FBN2: variants seen among roughly 807,000 people sequenced by gnomAD.
The protein encoded by FBN2 is fibrillin-2.
FBN2 carries 105 observed loss-of-function variants against 355.6 expected under a neutral mutation model. The ratio of observed to expected loss-of-function variants is 0.30; its 90% CI spans 0.25 to 0.35. FBN2 has a LOEUF of 0.35. FBN2 is among the 10% of genes least tolerant of loss of function. FBN2 has a pLI of 1.00. For missense variants in FBN2, 3,280 were observed against 3,758.7 expected (o/e 0.87, Z 3.33); for synonymous variants, 1,350 against 1,301.2 (o/e 1.04, Z -0.81).
intron 39 of FBN2, 93 bp from the exon 40 acceptor site, chr5:128,310,201 C>G: frequency 9.2e-7 from 1 of 1,090,586 alleles, no homozygotes; most frequent in South Asian, 1.4e-5. Context: ...AGGTGATTCT[C>G]TAAATCCCCA....
chr5:128,309,303 T>C lies in FBN2; in HGVS notation c.5297A>G (p.Tyr1766Cys). Residue 1766 changes from tyrosine to cysteine, a missense_variant, in exon 41 of 65, where the codon TAT becomes TGT. Physicochemically the swap from Tyr to Cys is radical, Grantham distance 194. Around this residue, in one of 6 missense-constraint regions of FBN2, gnomAD observed 2,284 missense variants for 2,749.5 expected, o/e 0.83. Transcript: ENST00000262464. ...TTTGTTCCAGGCTTTGCCCACATTA[T>C]ATGTGCAGCAGCACATCCTTTTTGT... ...NVTKRMCCCTYNVGKAWNKPC... is the reference protein window; with the variant it reads ...NVTKRMCCCTCNVGKAWNKPC... 6.2e-7 allele frequency: 1 copy of C among 1,614,094 alleles called. No individual in the cohort carries two copies. Among genetic ancestry groups the C allele is most frequent in the Non-Finnish European group, 8.5e-7 (1 of 1,179,930 alleles).
chr5:128,291,870 T>C lies in FBN2; in HGVS notation c.6167-216A>G, dbSNP rs138815857. ...GAGAGTCCCAAGTCCATGTCCACCT[T>C]CCTGTCTTTGATCTTTAGGGGTGTA... On this transcript the variant is annotated intron_variant, in intron 48 of 64. Coordinates refer to ENST00000262464, the MANE Select transcript of FBN2 (RefSeq NM_001999.4). Among the ~76,000 whole-genome samples, 3 of 152,232 alleles carry C rather than the reference T, an allele frequency of 2.0e-5. No individual in the cohort carries two copies. In the East Asian group the frequency reaches 5.8e-4, roughly 29 times the overall value.
intron 11 of FBN2, among the ~76,000 whole-genome samples, chr5:128,385,205 T>G (rs1752335299): frequency 6.6e-6 from 1 of 152,086 alleles, no homozygotes; most frequent in African/African-American, 2.4e-5. Flanking sequence ...ATCCTCACCC[T>G]CCTCCCACCT....
Position 128,349,945 on chromosome 5 carries a change from A to ATCCT in FBN2, c.2863+9_2863+10insAGGA. Reference sequence around the variant, plus strand: ...GATGTATAGTATCTTCCAAGGAAGGATACACTCACCTTCACACGTAACACC... The same window carrying ATCCT: ...GATGTATAGTATCTTCCAAGGAAGGATCCTTACACTCACCTTCACACGTAACACC... On this transcript the variant is annotated intron_variant, in intron 22 of 64. Coordinates refer to ENST00000262464, the MANE Select transcript of FBN2 (RefSeq NM_001999.4). 6.2e-7 allele frequency: 1 copy of ATCCT among 1,603,042 alleles called. No individual in the cohort carries two copies. Among genetic ancestry groups the ATCCT allele is most frequent in the Non-Finnish European group, 8.5e-7 (1 of 1,169,740 alleles).
rs573686966 is a variant in FBN2 at position 128,363,661 on chromosome 5, C to T, written c.2428+939G>A. Among the ~76,000 whole-genome samples the T allele has an allele frequency of 2.6e-3, 401 of 152,268 alleles. 1 individual carries two copies. Among genetic ancestry groups the T allele is most frequent in the Non-Finnish European group, 4.7e-3 (318 of 68,014 alleles). On this transcript the variant is annotated intron_variant, in intron 18 of 64. Coordinates refer to ENST00000262464, the MANE Select transcript of FBN2 (RefSeq NM_001999.4). ...GAGGTTGTTAGGGTAGGTTGTGAGT[C>T]AACATGACCGGTGTCCATGTGAAAA...
At chr5:128,320,585 G>A (rs774696432) in intron 34 of FBN2, among the ~76,000 whole-genome samples, 15 of 152,068 alleles carry the variant, frequency 9.9e-5, no homozygotes, top group African/African-American at 1.9e-4. Flanking sequence ...ATAAAAGAAC[G>A]CATTTTAAAA....
chr5:128,307,246 A>G (rs1174538634), intron 41 of FBN2, 43 bp from the exon 42 acceptor site: 16 of 1,099,298 alleles, frequency 1.5e-5, no homozygotes, highest in Non-Finnish European at 2.0e-5. Flanking sequence ...AATTTCTCAA[A>G]TTCCTTCAAA....
chr5:128,360,805 A>G (rs980358247), intron 19 of FBN2, among the ~76,000 whole-genome samples: 5 of 151,700 alleles, frequency 3.3e-5, no homozygotes, highest in African/African-American at 1.2e-4. Flanking sequence ...TGGCTGTGGC[A>G]TCACAAAAAA....
intron 25 of FBN2, among the ~76,000 whole-genome samples, chr5:128,341,895 A>G (rs1751031961): frequency 6.6e-6 from 1 of 152,202 alleles, no homozygotes; most frequent in South Asian, 2.1e-4. Flanking sequence ...AATTCGCATA[A>G]CTTTTTCACT....
At chr5:128,346,722 T>G (rs1186318964) in intron 23 of FBN2, among the ~76,000 whole-genome samples, 1 of 152,184 alleles carries the variant, frequency 6.6e-6, no homozygotes, top group East Asian at 1.9e-4. Context: ...CTGGATCACC[T>G]GAGGTCAGGA....
chr5:128,312,649 G>A lies in FBN2; in HGVS notation c.4864C>T (p.Pro1622Ser), dbSNP rs750116860. The change falls in exon 37 of 65, where the codon CCC (proline) becomes TCC (serine). Residue 1622 changes from proline to serine, a missense_variant. Physicochemically the swap from Pro to Ser is moderately conservative, Grantham distance 74. Coordinates refer to ENST00000262464, the MANE Select transcript of FBN2 (RefSeq NM_001999.4). ...TTGTACTTACTGCTATTGACAGGGGGGCATGTCTCACAGGGGTTTCCCCAG... is the reference window on the plus strand; with the variant it reads ...TTGTACTTACTGCTATTGACAGGGGAGCATGTCTCACAGGGGTTTCCCCAG... ...KAWGNPCETC[P>S]PVNSTEYYTL... 28 of 1,613,690 alleles carry A rather than the reference G, an allele frequency of 1.7e-5. No homozygotes were observed. The highest frequency in any genetic ancestry group is 2.3e-5 in the Non-Finnish European group (27 of 1,180,012).
chr5:128,377,666 G>A (rs1752113950), intron 13 of FBN2, 86 bp downstream of exon 13: 6 of 1,402,100 alleles, frequency 4.3e-6, no homozygotes, highest in African/African-American at 1.4e-5. Flanking sequence ...CGTGGTGTGT[G>A]AGCTTTCATG....
At chr5:128,419,715 A>G (rs1753296149) in intron 7 of FBN2, among the ~76,000 whole-genome samples, 1 of 152,070 alleles carries the variant, frequency 6.6e-6, no homozygotes, top group South Asian at 2.1e-4. Context: ...TTTTGAGACA[A>G]GAGTTTTGCT....
chr5:128,468,312 G>A (rs764944661), intron 5 of FBN2, among the ~76,000 whole-genome samples: 28 of 152,204 alleles, frequency 1.8e-4, no homozygotes, highest in Middle Eastern at 3.4e-3. Flanking sequence ...TTGTATGGCT[G>A]TACTACATCT....
At chr5:128,513,912 T>C (rs575488837) in intron 5 of FBN2, among the ~76,000 whole-genome samples, 1 of 152,122 alleles carries the variant, frequency 6.6e-6, no homozygotes, top group African/African-American at 2.4e-5. Flanking sequence ...TGCCAAAAAG[T>C]TAAGTTCCCA....
At chr5:128,306,953 A>G (rs1049041329) in intron 42 of FBN2, among the ~76,000 whole-genome samples, 182 bp downstream of exon 42, 4 of 152,194 alleles carry the variant, frequency 2.6e-5, no homozygotes, top group African/African-American at 9.7e-5. Context: ...ACGCTGATGG[A>G]GTATCATTAT....
intron 31 of FBN2, among the ~76,000 whole-genome samples, chr5:128,333,530 A>G (rs1164897720): frequency 6.6e-6 from 1 of 152,182 alleles, no homozygotes; most frequent in East Asian, 1.9e-4. Flanking sequence ...GTCATTTAAA[A>G]AATCAATATA....
At chr5:128,437,420 G>A (rs911499249) in intron 7 of FBN2, among the ~76,000 whole-genome samples, 4 of 152,104 alleles carry the variant, frequency 2.6e-5, no homozygotes, top group African/African-American at 9.7e-5. Flanking sequence ...TTTAACAACT[G>A]CAATAATGAT....
intron 5 of FBN2, among the ~76,000 whole-genome samples, chr5:128,499,511 G>A (rs992327577): frequency 1.3e-5 from 2 of 152,066 alleles, no homozygotes; most frequent in African/African-American, 2.4e-5. Flanking sequence ...CCTGAGTGCC[G>A]AGATTTTTAA....
Sources: allele counts gnomAD v4.1 joint callset (sites outside exome capture counted in the v4.1 genomes callset), GRCh38; gene constraint gnomAD v4.1.1; regional missense constraint gnomAD v4.1.1; transcripts MANE v1.5; gene names NCBI Gene and HGNC (gene_info 2026-07-23, HGNC 2026-07-21).